RAP1GAP2: variants seen among roughly 807,000 people sequenced by gnomAD.
RAP1GAP2 encodes RAP1 GTPase activating protein 2.
RAP1GAP2 carries 27 observed loss-of-function variants against 95.0 expected under a neutral mutation model. The observed-to-expected ratio is 0.28, with a 90% CI of 0.21 to 0.39. The LOEUF is 0.39. Ranked by LOEUF, RAP1GAP2 falls within the 10% of genes least tolerant of loss-of-function variation. The probability of loss-of-function intolerance (pLI) is 1.00; values close to 1 mark genes in which losing one functional copy is unlikely to be tolerated. For synonymous variants in RAP1GAP2, 373 were observed against 380.9 expected (o/e 0.98, Z 0.24); for missense variants, 771 against 970.0 (o/e 0.79, Z 2.72).
intron 2 of RAP1GAP2, among the ~76,000 whole-genome samples, chr17:2,800,855 C>CTTTCT (rs1486393792): frequency 3.9e-5 from 2 of 51,564 alleles, no homozygotes; most frequent in Non-Finnish European, 8.5e-5. Flanking sequence ...TTCTTTCTTT[C>CTTTCT]TTTTTTTTTT....
At chr17:2,949,754 G>A (rs556165318) in intron 3 of RAP1GAP2, among the ~76,000 whole-genome samples, 5 of 152,226 alleles carry the variant, frequency 3.3e-5, no homozygotes, top group East Asian at 1.9e-4. Flanking sequence ...GGGTGTGTCC[G>A]AAAGGCTGAG....
At position 2,829,085 on chromosome 17, in the gene RAP1GAP2, C is replaced by T. The variant is rs142788237; in HGVS notation, c.80+28535C>T. Among the ~76,000 whole-genome samples, 1,178 of 142,454 alleles carry T rather than the reference C, an allele frequency of 8.3e-3. 14 individuals are homozygous for T. The highest frequency in any genetic ancestry group is 0.029 in the African/African-American group (1,112 of 38,192). 93.5% of individuals were successfully genotyped at this position (142,454 alleles called of 152,430 possible). A position where few individuals can be genotyped will look rare whatever the true frequency, so the allele number is the denominator to read the frequency against. The stretch of plus-strand genomic sequence containing the variant: ...GCAACCTCTGCCTCCCAGGTTCAAG[C>T]GATTCTCCTGCCTCAGCCTTCTGAG... On this transcript the variant is annotated intron_variant, in intron 2 of 24. Coordinates refer to ENST00000254695, the MANE Select transcript of RAP1GAP2 (RefSeq NM_015085.5).
intron 1 of RAP1GAP2, among the ~76,000 whole-genome samples, chr17:2,762,129 A>G (rs1395500382): frequency 6.6e-6 from 1 of 150,912 alleles, no homozygotes; most frequent in African/African-American, 2.4e-5. Flanking sequence ...CTGGGACTAC[A>G]GGCGCCCGCC....
intron 3 of RAP1GAP2, among the ~76,000 whole-genome samples, chr17:2,927,433 G>T (rs112391906): frequency 6.6e-6 from 1 of 151,688 alleles, no homozygotes; most frequent in South Asian, 2.1e-4. Flanking sequence ...GATTACAGGC[G>T]TGAGCCACCG....
At chr17:2,944,161 C>CAAAAA (rs36063732) in intron 3 of RAP1GAP2, among the ~76,000 whole-genome samples, 6 of 81,750 alleles carry the variant, frequency 7.3e-5, no homozygotes, top group South Asian at 4.4e-4. Context: ...ACAGCAAAAC[C>CAAAAA]AAAAAAAAAA....
chr17:2,980,630 C>T (rs999372735), intron 9 of RAP1GAP2, among the ~76,000 whole-genome samples: 1 of 152,150 alleles, frequency 6.6e-6, no homozygotes, highest in Non-Finnish European at 1.5e-5. Context: ...CCAGGTAGTT[C>T]ACAGCTAGTT....
rs1298460010 is a variant in RAP1GAP2 at position 3,006,068 on chromosome 17, C to T, written c.1359+27C>T. 2.5e-6 allele frequency: 4 copies of T among 1,595,644 alleles called. No homozygotes were observed. In the African/African-American group the frequency reaches 5.4e-5, roughly 21 times the overall value. On this transcript the variant is annotated intron_variant, in intron 16 of 24. Coordinates refer to ENST00000254695, the MANE Select transcript of RAP1GAP2 (RefSeq NM_015085.5). ...TGAGAGTGTGGTTTCTGAAGGTCTCCCTCCTGACTGCTGGGCCACCTGTTA... is the reference window on the plus strand; with the variant it reads ...TGAGAGTGTGGTTTCTGAAGGTCTCTCTCCTGACTGCTGGGCCACCTGTTA...
chr17:2,804,083 C>T (rs1476463), intron 2 of RAP1GAP2, among the ~76,000 whole-genome samples: 65,321 of 151,978 alleles, frequency 0.43, 14,368 homozygotes, highest in South Asian at 0.51. Flanking sequence ...GATGCCTCCT[C>T]CCTCTGCCTT....
chr17:3,015,213 A>G (rs2046716359), intron 17 of RAP1GAP2, among the ~76,000 whole-genome samples: 1 of 78,142 alleles, frequency 1.3e-5, no homozygotes, highest in East Asian at 2.9e-4. Context: ...ATAGAGAGGG[A>G]GTGAGAGATG....
At chr17:2,925,728 A>G (rs1182893882) in intron 3 of RAP1GAP2, among the ~76,000 whole-genome samples, 2 of 152,192 alleles carry the variant, frequency 1.3e-5, no homozygotes, top group African/African-American at 4.8e-5. Context: ...GAGTCCTTCA[A>G]ACACCAGCAT....
chr17:2,874,023 G>A (rs984093695), intron 2 of RAP1GAP2, among the ~76,000 whole-genome samples: 1 of 152,008 alleles, frequency 6.6e-6, no homozygotes, highest in African/African-American at 2.4e-5. Flanking sequence ...TGATCCACCC[G>A]TCTCAGCCTC....
rs2046310840 is a variant in RAP1GAP2 at position 3,005,707 on chromosome 17, G to A, written c.1273-248G>A. Among the ~76,000 whole-genome samples, 1 of 152,176 alleles carries A rather than the reference G, an allele frequency of 6.6e-6. No homozygotes were observed. ...GGCTTTTATGTTGAGCCCCGGTCAA[G>A]GAGCCTTGGGCAGGAATGAGCTCCA... On this transcript the variant is annotated intron_variant, in intron 15 of 24. Transcript: ENST00000254695. The surrounding 1 kb of genome is among the most constrained non-coding windows in gnomAD (Gnocchi z 5.2).
intron 1 of RAP1GAP2, among the ~76,000 whole-genome samples, chr17:2,767,618 C>T (rs1420274786): frequency 2.0e-5 from 3 of 151,962 alleles, no homozygotes; most frequent in South Asian, 4.1e-4. Context: ...TTGATTTTTT[C>T]CTCTGAACAA....
Position 3,034,846 on chromosome 17 carries a change from C to T in RAP1GAP2, c.*1485C>T, listed in dbSNP as rs1247095577. The stretch of plus-strand genomic sequence containing the variant: ...CCAGGTACAACGAGCCTGAAGAGCC[C>T]CTTTCAGTGCAGACGGGGCTGCAGA... On this transcript the variant is annotated 3_prime_UTR_variant, in exon 25 of 25. Transcript: ENST00000254695. This position sits in a 1 kb window ranked among gnomAD's most constrained non-coding sequence, Gnocchi z 5.1. The T allele has an allele frequency of 6.6e-6, 1 of 152,298 alleles. No individual in the cohort carries two copies. The highest frequency in any genetic ancestry group is 1.5e-5 in the Non-Finnish European group (1 of 68,128). The allele number at this position is 152,298 out of a possible 1,614,324, so 9.4% of individuals were successfully genotyped here. A position where few individuals can be genotyped will look rare whatever the true frequency, so the allele number is the denominator to read the frequency against.
chr17:2,873,957 G>C (rs181095268), intron 2 of RAP1GAP2, among the ~76,000 whole-genome samples: 14 of 151,404 alleles, frequency 9.2e-5, no homozygotes, highest in East Asian at 1.9e-4. Flanking sequence ...AGACGCGGTG[G>C]GGGGGGGCGG....
At chr17:2,986,387 G>A (rs1479054391) in intron 11 of RAP1GAP2, among the ~76,000 whole-genome samples, 2 of 152,038 alleles carry the variant, frequency 1.3e-5, no homozygotes, top group African/African-American at 4.8e-5. Flanking sequence ...TTCTTTGCTT[G>A]TGGAATTTAC....
Position 3,036,525 on chromosome 17 carries a change from C to T in RAP1GAP2, c.*3164C>T, listed in dbSNP as rs1454768925. 1 of 152,242 alleles carries T rather than the reference C, an allele frequency of 6.6e-6. No individual in the cohort carries two copies. Among genetic ancestry groups the T allele is most frequent in the Non-Finnish European group, 1.5e-5 (1 of 68,102 alleles). 9.4% of individuals were successfully genotyped at this position (152,242 alleles called of 1,614,324 possible). A position where few individuals can be genotyped will look rare whatever the true frequency, so the allele number is the denominator to read the frequency against. On this transcript the variant is annotated 3_prime_UTR_variant, in exon 25 of 25. Coordinates refer to ENST00000254695, the MANE Select transcript of RAP1GAP2 (RefSeq NM_015085.5). ...TCTTTTTCATCAGGGGGGATAGTCT[C>T]TAGGATTTTTCAGTGAGGACCCTTG...
Position 2,855,764 on chromosome 17 carries a change from C to T in RAP1GAP2, c.81-49520C>T, listed in dbSNP as rs1212902880. Among the ~76,000 whole-genome samples the T allele has an allele frequency of 6.6e-6, 1 of 152,166 alleles. No homozygotes were observed. Among genetic ancestry groups the T allele is most frequent in the Non-Finnish European group, 1.5e-5 (1 of 68,036 alleles). On this transcript the variant is annotated intron_variant, in intron 2 of 24. Transcript: ENST00000254695. This position sits in a 1 kb window ranked among gnomAD's most constrained non-coding sequence, Gnocchi z 4.3. ...AGTAGCTGGGACTACAAGTACCCAC[C>T]ACCACGCCCAGCTAATTTTTTGTAT...
Position 2,843,582 on chromosome 17 carries a change from C to T in RAP1GAP2, c.80+43032C>T, listed in dbSNP as rs531844018. 7.9e-5 allele frequency among the ~76,000 whole-genome samples: 12 copies of T among 151,104 alleles called. 1 individual carries two copies. The South Asian group carries it at 2.5e-3, about 32-fold the overall frequency. On this transcript the variant is annotated intron_variant, in intron 2 of 24. Coordinates refer to ENST00000254695, the MANE Select transcript of RAP1GAP2 (RefSeq NM_015085.5). ...GATTACAGGTGTGAGCCACCGTGCC[C>T]GGCCCAATTTCCCCATTTGGTGGTT...
Sources: allele counts gnomAD v4.1 joint callset (sites outside exome capture counted in the v4.1 genomes callset), GRCh38; gene constraint gnomAD v4.1.1; non-coding constraint Gnocchi (gnomAD v3.1); transcripts MANE v1.5; gene names NCBI Gene and HGNC (gene_info 2026-07-23, HGNC 2026-07-21).